The following HPSE2 variants were observed in gnomAD, a reference collection of about 807,000 sequenced individuals.
HPSE2 encodes heparanase 2 (inactive).
In HPSE2, 38 loss-of-function variants were observed where a neutral mutation model predicts 60.5. That is an observed-to-expected ratio of 0.63 (90% CI 0.48 to 0.82). The LOEUF (loss-of-function observed/expected upper bound fraction) is 0.82. HPSE2 is among the 40% of genes least tolerant of loss of function. The probability of loss-of-function intolerance (pLI) is 0.00; values close to 1 mark genes in which losing one functional copy is unlikely to be tolerated. For synonymous variants in HPSE2, 295 were observed against 293.2 expected (o/e 1.01, Z -0.06); for missense variants, 713 against 740.4 (o/e 0.96, Z 0.43).
At chr10:98,533,533 C>T (rs1589378662) in intron 9 of HPSE2, among the ~76,000 whole-genome samples, 1 of 152,204 alleles carries the variant, frequency 6.6e-6, no homozygotes, top group Admixed American at 6.5e-5. Flanking sequence ...CTGTATAGTT[C>T]CAAACACCAG....
At position 98,938,737 on chromosome 10, in the gene HPSE2, C is replaced by A. The variant is rs573706542; in HGVS notation, c.611-194681G>T. The stretch of plus-strand genomic sequence containing the variant: ...TCAGACTCAGGAAATACAGAGAACG[C>A]CACAAAGATACTCCTCAAGAAGAGC... On this transcript the variant is annotated intron_variant, in intron 3 of 11. Transcript: ENST00000370552. 1.8e-4 allele frequency among the ~76,000 whole-genome samples: 26 copies of A among 143,286 alleles called. No homozygotes were observed. The South Asian group carries it at 5.3e-3, about 29-fold the overall frequency. The allele number at this position is 143,286 out of a possible 152,430, so 94.0% of individuals were successfully genotyped here. A position where few individuals can be genotyped will look rare whatever the true frequency, so the allele number is the denominator to read the frequency against.
chr10:99,114,397 T>C (rs1303015616), intron 3 of HPSE2, among the ~76,000 whole-genome samples: 3 of 152,236 alleles, frequency 2.0e-5, no homozygotes, highest in African/African-American at 7.2e-5. Flanking sequence ...CTGCTTCTCA[T>C]ACTGAGAAAA....
At chr10:98,576,129 A>G (rs2133909331) in intron 9 of HPSE2, among the ~76,000 whole-genome samples, 1 of 152,350 alleles carries the variant, frequency 6.6e-6, no homozygotes, top group African/African-American at 2.4e-5. Flanking sequence ...GAATAATAAT[A>G]TATTAAGCTA....
chr10:98,768,340 G>T (rs1950170197), intron 3 of HPSE2, among the ~76,000 whole-genome samples: 1 of 152,112 alleles, frequency 6.6e-6, no homozygotes, highest in South Asian at 2.1e-4. Context: ...CGGAGAGAAG[G>T]GCTGGGATAG....
chr10:99,191,041 T>C (rs2133859908), intron 2 of HPSE2, among the ~76,000 whole-genome samples: 1 of 152,058 alleles, frequency 6.6e-6, no homozygotes, highest in Non-Finnish European at 1.5e-5. Flanking sequence ...ACTCCTCTGC[T>C]TGAAGAAAGG....
chr10:98,871,253 T>G (rs1266154567), intron 3 of HPSE2, among the ~76,000 whole-genome samples: 3 of 152,126 alleles, frequency 2.0e-5, no homozygotes, highest in African/African-American at 7.2e-5. Context: ...GGGGCTCTAA[T>G]CCATACAACC....
In HPSE2 at chr10:98,983,352, C is replaced by T. The variant is rs77847300; in HGVS notation, c.610+160886G>A. Among the ~76,000 whole-genome samples, 522 of 152,200 alleles carry T rather than the reference C, an allele frequency of 3.4e-3. 2 individuals are homozygous for T. Among genetic ancestry groups the T allele is most frequent in the African/African-American group, 0.012 (498 of 41,522 alleles). ...AAGTGTGTTGCTTATGTTTAGTGTA[C>T]TCCGTAATCTCGTTTTGGTTGCTGT... On this transcript the variant is annotated intron_variant, in intron 3 of 11. Transcript: ENST00000370552.
chr10:99,267,238 G>A, the HPSE2 span, among the ~76,000 whole-genome samples: 1 of 151,852 alleles, frequency 6.6e-6, no homozygotes, highest in South Asian at 2.1e-4. Context: ...ACAAACAAAT[G>A]ATACAAGATA....
chr10:99,271,294 G>C, the HPSE2 span, among the ~76,000 whole-genome samples: 2 of 152,162 alleles, frequency 1.3e-5, no homozygotes, highest in Non-Finnish European at 2.9e-5. Context: ...AAAGTTTCAG[G>C]ATACGAAATT....
intron 9 of HPSE2, among the ~76,000 whole-genome samples, chr10:98,516,889 C>T (rs1425849478): frequency 6.6e-6 from 1 of 152,068 alleles, no homozygotes; most frequent in Non-Finnish European, 1.5e-5. Flanking sequence ...AGAAAAGGAA[C>T]AGGCTGCCAA....
chr10:99,257,676 T>C, the HPSE2 span, among the ~76,000 whole-genome samples: 1 of 152,222 alleles, frequency 6.6e-6, no homozygotes, highest in Non-Finnish European at 1.5e-5. Context: ...CCTGTGATCT[T>C]GCCCTGCCTC....
At chr10:99,195,695 G>T (rs1194308651) in intron 2 of HPSE2, among the ~76,000 whole-genome samples, 1 of 151,968 alleles carries the variant, frequency 6.6e-6, no homozygotes, top group Non-Finnish European at 1.5e-5. Flanking sequence ...AAACATTGAT[G>T]AAAGGAATTG....
At chr10:99,152,667 C>G (rs865944045) in intron 2 of HPSE2, among the ~76,000 whole-genome samples, 4 of 152,122 alleles carry the variant, frequency 2.6e-5, no homozygotes, top group African/African-American at 9.7e-5. Flanking sequence ...TAACATTAAC[C>G]TTAAATTGAC....
chr10:99,290,730 T>C, the HPSE2 span, among the ~76,000 whole-genome samples: 130,112 of 152,170 alleles, frequency 0.86, 55,981 homozygotes, highest in African/African-American at 0.92. Context: ...AACAACAATT[T>C]CTCCAAGCCT....
At chr10:98,808,212 C>T (rs1283846590) in intron 3 of HPSE2, among the ~76,000 whole-genome samples, 1 of 152,150 alleles carries the variant, frequency 6.6e-6, no homozygotes, top group African/African-American at 2.4e-5. Flanking sequence ...GAAGCATATT[C>T]AAACCTAAAC....
chr10:99,220,991 C>T (rs1470342150), intron 2 of HPSE2, among the ~76,000 whole-genome samples: 2 of 151,000 alleles, frequency 1.3e-5, no homozygotes, highest in African/African-American at 4.9e-5. Context: ...ATTACAGGTG[C>T]CCGCCATCAC....
intron 3 of HPSE2, among the ~76,000 whole-genome samples, chr10:98,913,201 T>C (rs935053881): frequency 1.3e-5 from 2 of 152,232 alleles, no homozygotes; most frequent in African/African-American, 2.4e-5. Context: ...AGAGTTGTTA[T>C]CTAATTAGCA....
Position 98,544,669 on chromosome 10 carries a change from C to T in HPSE2, c.1321-54473G>A, listed in dbSNP as rs1159736125. Among the ~76,000 whole-genome samples, 4 of 125,052 alleles carry T rather than the reference C, an allele frequency of 3.2e-5. 1 individual carries two copies. The highest frequency in any genetic ancestry group is 2.4e-4 in the East Asian group (1 of 4,090). 82.0% of individuals were successfully genotyped at this position (125,052 alleles called of 152,430 possible). On this transcript the variant is annotated intron_variant, in intron 9 of 11. Transcript: ENST00000370552. ...CGGAGCTTGCAGTGAGCCGAGATCGCGCCACTGCACTCCAGCCTGGGCGAC... is the reference window on the plus strand; with the variant it reads ...CGGAGCTTGCAGTGAGCCGAGATCGTGCCACTGCACTCCAGCCTGGGCGAC...
intron 6 of HPSE2, among the ~76,000 whole-genome samples, chr10:98,663,575 C>G (rs901892706): frequency 1.3e-5 from 2 of 152,126 alleles, no homozygotes; most frequent in South Asian, 4.1e-4. Flanking sequence ...GCTGAGGAGC[C>G]GCCTGCCCTG....
Sources: gnomAD v4.1 joint callset for allele counts (sites outside exome capture counted in the v4.1 genomes callset) on GRCh38, gnomAD v4.1.1 for gene constraint, MANE v1.5 for transcripts, NCBI Gene and HGNC (gene_info 2026-07-23, HGNC 2026-07-21) for gene names.